Variants in AK6 observed in about 807,000 individuals in gnomAD.
AK6 encodes adenylate kinase 6.
A neutral mutation model predicts 23.7 loss-of-function variants in AK6; 24 were observed. The observed-to-expected ratio is 1.01, with a 90% confidence interval of 0.73 to 1.43. The LOEUF (loss-of-function observed/expected upper bound fraction) is 1.43, where lower values mean the gene tolerates loss of function less well. Ranked by LOEUF, AK6 falls within the 40% of genes most tolerant of loss-of-function variation. The pLI, the probability that AK6 is intolerant of heterozygous loss-of-function variation, is 0.00. For missense variants in AK6, 191 were observed against 199.1 expected, an observed-to-expected ratio of 0.96 and a Z score of 0.24; for synonymous variants, 73 against 69.8, an observed-to-expected ratio of 1.05 and a Z score of -0.23.
chr5:69,369,764 G>C (rs1762801936), upstream of AK6: 5 of 1,470,368 alleles, frequency 3.4e-6, no homozygotes, highest in Non-Finnish European at 4.6e-6. Flanking sequence ...ACACTCCTTC[G>C]GTGGTCCCCG....
At chr5:69,365,670 A>G in intron 2 of AK6, 2 of 1,608,390 alleles carry the variant, frequency 1.2e-6, no homozygotes, top group Non-Finnish European at 1.7e-6. Flanking sequence ...CATATCCTTC[A>G]GGATTTGTGC....
intron 1 of AK6, among the ~76,000 whole-genome samples, chr5:69,368,151 G>A (rs1156521633): frequency 3.3e-5 from 5 of 152,110 alleles, no homozygotes; most frequent in Admixed American, 3.3e-4. Context: ...ATGTTTGCAT[G>A]TAAATGTACA....
intron 2 of AK6, chr5:69,364,993 C>T: frequency 5.0e-6 from 8 of 1,613,834 alleles, no homozygotes; most frequent in South Asian, 2.2e-5. Context: ...TCATCATCTT[C>T]ACGTTTTCTT....
upstream of AK6, chr5:69,369,623 T>A: frequency 6.4e-7 from 1 of 1,571,856 alleles, no homozygotes; most frequent in South Asian, 1.2e-5. Flanking sequence ...GCCCCTAGCC[T>A]GCCCCGGCGG....
chr5:69,368,008 C>G (rs1214308017), intron 1 of AK6: 3 of 152,098 alleles, frequency 2.0e-5, no homozygotes, highest in Non-Finnish European at 2.9e-5. Context: ...CAAACAAAAA[C>G]AAAAACAAGA....
rs766318461 is a variant in AK6, at chr5:69,352,056, A to G, written c.*5T>C. The G allele has an allele frequency of 5.0e-6, 8 of 1,599,378 alleles. No homozygotes were observed. Among genetic ancestry groups the G allele is most frequent in the African/African-American group, 4.0e-5 (3 of 74,464 alleles). Reference sequence around the variant, plus strand: ...GAGTGATTATTAAGTAGCTAGCCTTATAAGTCAAGAGTTATGATCTTTGAT... The same window carrying G: ...GAGTGATTATTAAGTAGCTAGCCTTGTAAGTCAAGAGTTATGATCTTTGAT... On this transcript the variant is annotated 3_prime_UTR_variant, in exon 5 of 5. Coordinates refer to ENST00000380822, the MANE Select transcript of AK6 (RefSeq NM_016283.5).
At chr5:69,361,037 T>G (rs1477857747) in intron 2 of AK6, among the ~76,000 whole-genome samples, 2 of 152,100 alleles carry the variant, frequency 1.3e-5, no homozygotes, top group African/African-American at 4.8e-5. Context: ...GCCAGGAAAA[T>G]TAAGGATGCT....
chr5:69,364,601 T>G, intron 2 of AK6: 1 of 357,996 alleles, frequency 2.8e-6, no homozygotes. Flanking sequence ...GATCTATGTA[T>G]CTGAAGACGT....
chr5:69,352,225 T>C lies in AK6; in HGVS notation c.355A>G (p.Asn119Asp). ...RGYNEKKLTD[N>D]IQCEIFQVLY... is the part of the protein sequence containing the mutation. ...ACTTGAAAAATCTCACACTGAATATTGTCTGTTAGTTTCTTCTCATTATAA... is the reference window on the plus strand; with the variant it reads ...ACTTGAAAAATCTCACACTGAATATCGTCTGTTAGTTTCTTCTCATTATAA... The change falls in exon 5 of 5, where the codon AAT becomes GAT. Residue 119 changes from asparagine (N) to aspartate (D), a missense_variant. Physicochemically the swap from Asn to Asp is conservative, Grantham distance 23 (BLOSUM62 1). Transcript: ENST00000380822. The C allele has an allele frequency of 6.2e-7, 1 of 1,613,574 alleles. No homozygotes were observed. The highest frequency in any genetic ancestry group is 8.5e-7 in the Non-Finnish European group (1 of 1,179,764).
At chr5:69,356,097 C>T in intron 2 of AK6, 144 bp from the exon 3 acceptor site, 1 of 654,904 alleles carries the variant, frequency 1.5e-6, no homozygotes, top group African/African-American at 1.8e-5. Context: ...ATAAATGTTA[C>T]ATAAACACCA....
intron 4 of AK6, among the ~76,000 whole-genome samples, chr5:69,353,050 A>G (rs1408517535): frequency 2.0e-5 from 3 of 152,362 alleles, no homozygotes; most frequent in Admixed American, 2.0e-4. Context: ...ATACAATGGA[A>G]TATTATTTGG....
chr5:69,352,466 G>T (rs903765667), intron 4 of AK6, among the ~76,000 whole-genome samples: 2 of 151,238 alleles, frequency 1.3e-5, no homozygotes, highest in African/African-American at 4.8e-5. Context: ...ATCTAGGTTT[G>T]TTTGAATTTC....
At chr5:69,369,427 GC>G in intron 1 of AK6, 35 bp downstream of exon 1, 1 of 1,605,902 alleles carries the variant, frequency 6.2e-7, no homozygotes, top group South Asian at 1.1e-5. Flanking sequence ...CCCCCAGCCT[GC>G]CCCAGCCCAG....
intron 2 of AK6, among the ~76,000 whole-genome samples, chr5:69,360,177 C>T (rs1762192400): frequency 6.6e-6 from 1 of 152,142 alleles, no homozygotes; most frequent in Non-Finnish European, 1.5e-5. Flanking sequence ...TCTCCTTCCC[C>T]ACTTTTAAGA....
intron 1 of AK6, 94 bp from the exon 2 acceptor site, chr5:69,366,689 G>T: frequency 1.1e-6 from 1 of 915,570 alleles, no homozygotes; most frequent in Non-Finnish European, 1.8e-6. Flanking sequence ...TTGAGACAGA[G>T]TCTCACCTGG....
At chr5:69,367,504 CA>C (rs34070239) in intron 1 of AK6, among the ~76,000 whole-genome samples, 1,160 of 93,992 alleles carry the variant, frequency 0.012, 8 homozygotes, top group African/African-American at 0.038. Context: ...GACTCCATCT[CA>C]AAAAAAAAAA....
At chr5:69,363,842 C>T (rs992615992) in intron 2 of AK6, among the ~76,000 whole-genome samples, 1 of 150,554 alleles carries the variant, frequency 6.6e-6, no homozygotes, top group African/African-American at 2.4e-5. Context: ...AATCCCAGCA[C>T]TCTGGGAGGC....
chr5:69,366,781 A>G, intron 1 of AK6, 186 bp from the exon 2 acceptor site: 3 of 580,442 alleles, frequency 5.2e-6, no homozygotes, highest in Non-Finnish European at 9.2e-6. Flanking sequence ...TTTTTGAGAC[A>G]GAGTTTCACT....
intron 1 of AK6, among the ~76,000 whole-genome samples, chr5:69,366,977 T>G (rs1299534701): frequency 6.6e-6 from 1 of 152,002 alleles, no homozygotes; most frequent in African/African-American, 2.4e-5. Context: ...CAGGCTGGTC[T>G]CAAACTCCTA....
Sources: gnomAD v4.1 joint callset for allele counts (sites outside exome capture counted in the v4.1 genomes callset) on GRCh38, gnomAD v4.1.1 for gene constraint, MANE v1.5 for transcripts, NCBI Gene and HGNC (gene_info 2026-07-23, HGNC 2026-07-21) for gene names.